NMD3: variants seen among roughly 807,000 people sequenced by gnomAD.
NMD3 encodes the protein 60S ribosomal export protein NMD3.
NMD3 carries 47 observed loss-of-function variants against 73.1 expected under a neutral mutation model. The observed-to-expected ratio is 0.64, with a 90% CI of 0.51 to 0.82. The LOEUF is 0.82. Ranked by LOEUF, NMD3 falls within the 40% of genes least tolerant of loss-of-function variation. The pLI is 0.00. For missense variants in NMD3, 554 were observed against 612.5 expected, an observed-to-expected ratio of 0.90 and a Z score of 1.01; for synonymous variants, 210 against 194.5, an observed-to-expected ratio of 1.08 and a Z score of -0.66.
chr3:161,238,056 A>G, intron 7 of NMD3, 57 bp from the exon 8 acceptor site: 1 of 1,116,786 alleles, frequency 9.0e-7, no homozygotes, highest in Non-Finnish European at 1.3e-6. Context: ...TCATGTTAGT[A>G]GAGGAGAATC....
chr3:161,230,604 T>G (rs768459719), intron 4 of NMD3, among the ~76,000 whole-genome samples: 1 of 152,226 alleles, frequency 6.6e-6, no homozygotes, highest in Admixed American at 6.5e-5. Flanking sequence ...AATACATTTA[T>G]TTGTTAATTC....
At position 161,249,239 on chromosome 3, in the gene NMD3, A is replaced by G. The variant is rs1285540493; in HGVS notation, c.1204-215A>G. ...CTGAAAAATTTTAGCAAATTTTAAC[A>G]ATTGTACAAATAATGCTTGAATCCA... On this transcript the variant is annotated intron_variant, in intron 13 of 15. Coordinates refer to ENST00000351193, the MANE Select transcript of NMD3 (RefSeq NM_015938.5). Among the ~76,000 whole-genome samples the G allele has an allele frequency of 9.9e-5, 15 of 152,276 alleles. No individual in the cohort carries two copies. The East Asian group carries it at 2.9e-3, about 29-fold the overall frequency.
intron 3 of NMD3, among the ~76,000 whole-genome samples, chr3:161,225,812 A>G (rs1048934910): frequency 5.3e-5 from 8 of 152,152 alleles, no homozygotes; most frequent in African/African-American, 1.7e-4. Flanking sequence ...ATATTTACAT[A>G]CATGTATATA....
chr3:161,246,480 T>C (rs764558366), intron 12 of NMD3, 32 bp downstream of exon 12: 17 of 983,686 alleles, frequency 1.7e-5, no homozygotes, highest in Admixed American at 8.3e-5. Context: ...AAACTGCCAA[T>C]TAGGATTGCA....
intron 9 of NMD3, among the ~76,000 whole-genome samples, chr3:161,240,003 G>A (rs1736907264): frequency 6.6e-6 from 1 of 152,140 alleles, no homozygotes; most frequent in African/African-American, 2.4e-5. Flanking sequence ...CAAATCTTGA[G>A]AAATATGAAT....
chr3:161,235,114 T>C lies in NMD3; in HGVS notation c.487-8T>C, dbSNP rs1736706421. On this transcript the variant is annotated splice_polypyrimidine_tract_variant and splice_region_variant and intron_variant, in intron 6 of 15. Coordinates refer to ENST00000351193, the MANE Select transcript of NMD3 (RefSeq NM_015938.5). ...GGGCATTTATTGATCAAATAATTTA[T>C]ATTTTAGACTTTGCATAAAAAAACT... is the stretch of plus-strand genomic sequence containing the variant. The C allele has an allele frequency of 2.9e-6, 4 of 1,363,676 alleles. No individual in the cohort carries two copies. The highest frequency in any genetic ancestry group is 2.0e-5 in the Admixed American group (1 of 50,336). 84.5% of individuals were successfully genotyped at this position (1,363,676 alleles called of 1,614,324 possible).
At chr3:161,242,724 A>C in intron 11 of NMD3, 71 bp downstream of exon 11, 8 of 1,484,684 alleles carry the variant, frequency 5.4e-6, no homozygotes, top group Non-Finnish European at 7.3e-6. Context: ...CCCTCTTTTA[A>C]AAAAAATTTG....
intron 7 of NMD3, among the ~76,000 whole-genome samples, chr3:161,236,286 A>T (rs1447296696): frequency 6.6e-6 from 1 of 152,132 alleles, no homozygotes; most frequent in African/African-American, 2.4e-5. Context: ...AAACTGCTTC[A>T]AAGTGGCTGT....
At chr3:161,245,787 A>G (rs955928944) in intron 11 of NMD3, among the ~76,000 whole-genome samples, 1 of 151,922 alleles carries the variant, frequency 6.6e-6, no homozygotes, top group African/African-American at 2.4e-5. Flanking sequence ...ACTATATTAT[A>G]TATAGCAGAT....
intron 7 of NMD3, among the ~76,000 whole-genome samples, chr3:161,236,006 CCTCAA>C (rs1736742068): frequency 6.6e-6 from 1 of 151,526 alleles, no homozygotes; most frequent in Non-Finnish European, 1.5e-5. Context: ...ACACTAATTC[CCTCAA>C]CTCTATTTAG....
rs1305199979 is a variant in NMD3 at position 161,235,330 on chromosome 3, AG to A, written c.577+120del. 60 of 410,114 alleles carry A rather than the reference AG, an allele frequency of 1.5e-4. 1 individual carries two copies. The highest frequency in any genetic ancestry group is 1.2e-3 in the Middle Eastern group (2 of 1,678). The allele number at this position is 410,114 out of a possible 1,614,324, so 25.4% of individuals were successfully genotyped here. ...GTACTGTCCAAAAGAACTTTCTGTT[AG>A]GAAAAAAAAAAAAAACAACTTAATT... On this transcript the variant is annotated intron_variant, in intron 7 of 15. Transcript: ENST00000351193.
chr3:161,221,937 T>C, intron 1 of NMD3, 57 bp from the exon 2 acceptor site: 2 of 908,788 alleles, frequency 2.2e-6, no homozygotes, highest in Non-Finnish European at 3.2e-6. Flanking sequence ...CTAGGTAAAG[T>C]GATTTAAATC....
intron 15 of NMD3, among the ~76,000 whole-genome samples, 197 bp from the exon 16 acceptor site, chr3:161,250,583 A>G (rs1737444166): frequency 6.6e-6 from 1 of 152,190 alleles, no homozygotes; most frequent in Non-Finnish European, 1.5e-5. Flanking sequence ...TGGTGGAAGT[A>G]TATTCTTACA....
At chr3:161,242,689 T>TC (rs777105710) in intron 11 of NMD3, 36 bp downstream of exon 11, 2 of 1,585,868 alleles carry the variant, frequency 1.3e-6, no homozygotes, top group Non-Finnish European at 1.7e-6. Flanking sequence ...TATTTTTTTT[T>TC]CCCCTCAGTT....
intron 14 of NMD3, among the ~76,000 whole-genome samples, 169 bp from the exon 15 acceptor site, chr3:161,250,087 A>T (rs959384634): frequency 6.6e-6 from 1 of 152,192 alleles, no homozygotes. Context: ...GGCTTTAATG[A>T]TGGTGAAGAC....
intron 13 of NMD3, 130 bp downstream of exon 13, chr3:161,247,460 G>T: frequency 3.8e-6 from 2 of 519,986 alleles, no homozygotes; most frequent in Non-Finnish European, 3.3e-6. Flanking sequence ...CTGCAGATAA[G>T]GTATAATAGC....
chr3:161,234,298 G>A (rs1736655821), intron 5 of NMD3, among the ~76,000 whole-genome samples: 2 of 151,818 alleles, frequency 1.3e-5, no homozygotes, highest in South Asian at 2.1e-4. Flanking sequence ...AAAGTTAGCT[G>A]GACGTGGTGG....
At chr3:161,224,581 C>G (rs1374883526) in intron 2 of NMD3, among the ~76,000 whole-genome samples, 1 of 152,096 alleles carries the variant, frequency 6.6e-6, no homozygotes, top group Non-Finnish European at 1.5e-5. Context: ...ACTTCCACCT[C>G]CTGGGTTTGA....
chr3:161,229,734 A>T (rs556001184), intron 4 of NMD3, among the ~76,000 whole-genome samples: 36 of 152,328 alleles, frequency 2.4e-4, no homozygotes, highest in African/African-American at 6.5e-4. Flanking sequence ...GTAATGATGA[A>T]GAAATAATTG....
Sources: gnomAD v4.1 joint callset for allele counts (sites outside exome capture counted in the v4.1 genomes callset) on GRCh38, gnomAD v4.1.1 for gene constraint, MANE v1.5 for transcripts, NCBI Gene and HGNC (gene_info 2026-07-23, HGNC 2026-07-21) for gene names.